ATRNL1: variants seen among roughly 807,000 people sequenced by gnomAD.
The protein encoded by ATRNL1 is attractin-like protein 1.
In ATRNL1, 95 loss-of-function variants were observed where a neutral mutation model predicts 182.7. The ratio of observed to expected loss-of-function variants is 0.52; its 90% CI spans 0.44 to 0.62. ATRNL1 has a LOEUF of 0.62. ATRNL1 is among the 20% of genes least tolerant of loss of function. The pLI is 0.00. For synonymous variants in ATRNL1, 576 were observed against 568.3 expected (o/e 1.01, Z -0.19); for missense variants, 1,471 against 1,679.5 (o/e 0.88, Z 2.17).
chr10:115,794,352 G>A (rs1240344211), intron 27 of ATRNL1, among the ~76,000 whole-genome samples: 2 of 152,052 alleles, frequency 1.3e-5, no homozygotes, highest in Non-Finnish European at 2.9e-5. Flanking sequence ...TAACCACAAT[G>A]TAGCCATCAA....
At chr10:115,690,615 G>C (rs1015072835) in intron 26 of ATRNL1, among the ~76,000 whole-genome samples, 3 of 152,154 alleles carry the variant, frequency 2.0e-5, no homozygotes, top group African/African-American at 7.2e-5. Flanking sequence ...AACCAACACT[G>C]TGCCACTTTA....
At chr10:115,474,362 ATCT>A (rs1473909725) in intron 24 of ATRNL1, among the ~76,000 whole-genome samples, 12 of 151,394 alleles carry the variant, frequency 7.9e-5, no homozygotes, top group African/African-American at 2.7e-4. Context: ...GGTCACTTTT[ATCT>A]TCTTCTGCAA....
intron 27 of ATRNL1, among the ~76,000 whole-genome samples, chr10:115,737,591 G>A (rs1376852356): frequency 1.3e-5 from 2 of 152,078 alleles, no homozygotes; most frequent in Non-Finnish European, 2.9e-5. Flanking sequence ...GCCTTGGCTC[G>A]ATATTTTCAT....
At chr10:115,261,954 G>T (rs1282823096) in intron 10 of ATRNL1, among the ~76,000 whole-genome samples, 6 of 152,038 alleles carry the variant, frequency 3.9e-5, no homozygotes, top group Admixed American at 3.9e-4. Context: ...GGAGGGAGAG[G>T]AAATATGCGT....
At chr10:115,487,051 ATGTGTGGTATTATTTCTGAGTCTTC>A (rs1204698827) in intron 24 of ATRNL1, among the ~76,000 whole-genome samples, 12 of 152,054 alleles carry the variant, frequency 7.9e-5, no homozygotes, top group Admixed American at 3.3e-4. Flanking sequence ...ATGGTTGTAG[ATGTGTGGTATTATTTCTGAGTCTTC>A]TGTTCTGTTC....
At chr10:115,409,028 G>C (rs782287937) in intron 20 of ATRNL1, among the ~76,000 whole-genome samples, 1 of 151,830 alleles carries the variant, frequency 6.6e-6, no homozygotes, top group Non-Finnish European at 1.5e-5. Context: ...GTTCTTTTTT[G>C]CTCAGGATTG....
At chr10:115,792,975 G>A (rs1949565131) in intron 27 of ATRNL1, among the ~76,000 whole-genome samples, 1 of 151,966 alleles carries the variant, frequency 6.6e-6, no homozygotes, top group Non-Finnish European at 1.5e-5. Context: ...CAGATATTTA[G>A]AATAAGTAGT....
At chr10:115,441,292 C>T (rs559544690) in intron 21 of ATRNL1, among the ~76,000 whole-genome samples, 4 of 151,938 alleles carry the variant, frequency 2.6e-5, no homozygotes, top group East Asian at 1.9e-4. Flanking sequence ...CCAACTATTG[C>T]ACCATTTCTG....
chr10:115,159,324 A>G (rs111918701), intron 5 of ATRNL1, among the ~76,000 whole-genome samples: 24 of 151,668 alleles, frequency 1.6e-4, no homozygotes, highest in African/African-American at 5.5e-4. Context: ...TCCTTCTATT[A>G]TGTTTGAGAA....
At chr10:115,453,746 A>T (rs569794466) in intron 21 of ATRNL1, among the ~76,000 whole-genome samples, 1 of 141,888 alleles carries the variant, frequency 7.0e-6, no homozygotes, top group Admixed American at 7.1e-5. Context: ...GAATTGAACA[A>T]TGAGAACACA....
intron 21 of ATRNL1, among the ~76,000 whole-genome samples, chr10:115,429,878 T>G (rs562673050): frequency 4.6e-5 from 7 of 152,042 alleles, no homozygotes; most frequent in Non-Finnish European, 7.4e-5. Context: ...CCATCCTGGC[T>G]AACGCGTTGA....
intron 28 of ATRNL1, among the ~76,000 whole-genome samples, chr10:115,940,693 C>CTG (rs1160644021): frequency 5.1e-5 from 3 of 59,294 alleles, no homozygotes; most frequent in African/African-American, 1.4e-4. Flanking sequence ...CTCTCTCTCT[C>CTG]TCTCTTCTCT....
intron 26 of ATRNL1, among the ~76,000 whole-genome samples, chr10:115,660,130 C>T (rs191255503): frequency 3.9e-5 from 6 of 152,074 alleles, no homozygotes; most frequent in African/African-American, 7.2e-5. Flanking sequence ...GATAGGGGGA[C>T]GAACCAATGT....
intron 19 of ATRNL1, among the ~76,000 whole-genome samples, chr10:115,353,310 TA>T (rs1368501119): frequency 6.6e-6 from 1 of 152,212 alleles, no homozygotes; most frequent in Non-Finnish European, 1.5e-5. Context: ...ACCATTTTAT[TA>T]TTATATAATG....
At chr10:115,572,238 G>C (rs2133864592) in intron 26 of ATRNL1, among the ~76,000 whole-genome samples, 1 of 152,206 alleles carries the variant, frequency 6.6e-6, no homozygotes, top group Non-Finnish European at 1.5e-5. Flanking sequence ...CATAGCTCTG[G>C]CTACAGTATG....
intron 28 of ATRNL1, among the ~76,000 whole-genome samples, chr10:115,878,564 C>G (rs1369408552): frequency 6.6e-6 from 1 of 152,148 alleles, no homozygotes; most frequent in Non-Finnish European, 1.5e-5. Flanking sequence ...TATATTTTCT[C>G]TGTTTTTTAT....
At chr10:115,457,909 A>G (rs544262992) in intron 21 of ATRNL1, among the ~76,000 whole-genome samples, 1 of 152,100 alleles carries the variant, frequency 6.6e-6, no homozygotes, top group South Asian at 2.1e-4. Flanking sequence ...TATTTCCCCA[A>G]TCTAAAACTG....
At chr10:115,159,987 TA>T (rs1272580531) in intron 5 of ATRNL1, 52 bp from the exon 6 acceptor site, 1 of 1,348,088 alleles carries the variant, frequency 7.4e-7, no homozygotes, top group East Asian at 2.4e-5. Flanking sequence ...TGTATTTCTA[TA>T]ATCTGAGGGC....
rs1182964620 is a variant in ATRNL1, at chr10:115,339,836, T to C, written c.3175+5417T>C. Among the ~76,000 whole-genome samples, 7 of 152,162 alleles carry C rather than the reference T, an allele frequency of 4.6e-5. No individual in the cohort carries two copies. In the South Asian group the frequency reaches 1.5e-3, roughly 32 times the overall value. On this transcript the variant is annotated intron_variant, in intron 19 of 28. Coordinates refer to ENST00000355044, the MANE Select transcript of ATRNL1 (RefSeq NM_207303.4). ...CCTTCAGTATGATACTAGCTGTGGG[T>C]CTGTCATATATGGCTTTTATTAGGT... is the stretch of plus-strand genomic sequence containing the variant.
Sources: allele counts gnomAD v4.1 joint callset (sites outside exome capture counted in the v4.1 genomes callset), GRCh38; gene constraint gnomAD v4.1.1; transcripts MANE v1.5; gene names NCBI Gene and HGNC (gene_info 2026-07-23, HGNC 2026-07-21).